The following ARHGEF28 variants were observed in gnomAD, a reference collection of about 807,000 sequenced individuals.
ARHGEF28 encodes the protein 190 kDa guanine nucleotide exchange factor.
In ARHGEF28, 152 loss-of-function variants were observed where a neutral mutation model predicts 206.6. The ratio of observed to expected loss-of-function variants is 0.74; its 90% CI spans 0.64 to 0.84. The LOEUF is 0.84. ARHGEF28 is among the 40% of genes least tolerant of loss of function. The pLI, the probability that ARHGEF28 is intolerant of heterozygous loss-of-function variation, is 0.00. For missense variants in ARHGEF28, 2,028 were observed against 2,073.2 expected, an observed-to-expected ratio of 0.98 and a Z score of 0.42; for synonymous variants, 763 against 776.4, an observed-to-expected ratio of 0.98 and a Z score of 0.29.
intron 1 of ARHGEF28, among the ~76,000 whole-genome samples, chr5:73,681,351 A>G (rs2112241011): frequency 6.6e-6 from 1 of 152,268 alleles, no homozygotes; most frequent in Non-Finnish European, 1.5e-5. Context: ...AGAATTTTGG[A>G]AGGATCAACT....
At chr5:73,914,939 C>T (rs1763124032) in intron 35 of ARHGEF28, among the ~76,000 whole-genome samples, 1 of 152,156 alleles carries the variant, frequency 6.6e-6, no homozygotes, top group African/African-American at 2.4e-5. Flanking sequence ...CGGGGTTTCC[C>T]CATATTGCCC....
intron 2 of ARHGEF28, among the ~76,000 whole-genome samples, chr5:73,718,636 AC>A (rs913901470): frequency 6.6e-6 from 1 of 151,888 alleles, no homozygotes; most frequent in Non-Finnish European, 1.5e-5. Context: ...GCTGACCTTG[AC>A]CCCACTTCCT....
chr5:73,894,701 G>A, intron 29 of ARHGEF28, 126 bp downstream of exon 29: 1 of 1,155,348 alleles, frequency 8.7e-7, no homozygotes, highest in South Asian at 1.7e-5. Context: ...TCCTTACTCG[G>A]CTGGAACTTA....
chr5:73,680,625 T>C (rs979851434), intron 1 of ARHGEF28, among the ~76,000 whole-genome samples: 2 of 151,814 alleles, frequency 1.3e-5, no homozygotes, highest in Non-Finnish European at 2.9e-5. Flanking sequence ...AACTTATCTA[T>C]GTAACGAGAC....
At chr5:73,936,330 A>G (rs980471427) in intron 35 of ARHGEF28, among the ~76,000 whole-genome samples, 3 of 152,212 alleles carry the variant, frequency 2.0e-5, no homozygotes, top group Admixed American at 1.3e-4. Context: ...GCTCACTTCA[A>G]ATATATGTTC....
intron 11 of ARHGEF28, among the ~76,000 whole-genome samples, chr5:73,843,062 T>C (rs577725206): frequency 1.3e-5 from 2 of 151,844 alleles, no homozygotes; most frequent in Middle Eastern, 3.4e-3. Context: ...TCTTTAGAAG[T>C]CTTCTAGGAA....
Position 73,840,770 on chromosome 5 carries a change from T to C in ARHGEF28, c.1427+10T>C. The stretch of plus-strand genomic sequence containing the variant: ...ATCTAAAGAAAAGAAGGTAAGAGTC[T>C]ATATTGTAGAGGAAAACTGTAGAAC... On this transcript the variant is annotated intron_variant, in intron 11 of 35. Coordinates refer to ENST00000513042, the MANE Select transcript of ARHGEF28 (RefSeq NM_001177693.2). The C allele has an allele frequency of 6.3e-7, 1 of 1,599,158 alleles. No homozygotes were observed. Among genetic ancestry groups the C allele is most frequent in the African/African-American group, 1.3e-5 (1 of 74,686 alleles).
intron 26 of ARHGEF28, among the ~76,000 whole-genome samples, chr5:73,890,700 C>T (rs1179060251): frequency 6.6e-6 from 1 of 152,148 alleles, no homozygotes; most frequent in Non-Finnish European, 1.5e-5. Context: ...AAGCCAGCAC[C>T]AAGGAGTCAG....
chr5:73,857,772 A>T lies in ARHGEF28; in HGVS notation c.1907A>T (p.Lys636Ile). 1 of 1,611,680 alleles carries T rather than the reference A, an allele frequency of 6.2e-7. No individual in the cohort carries two copies. The stretch of plus-strand genomic sequence containing the variant: ...AATAGGATGACTAGCCCTCGGAATA[A>T]ATCAAAGGTAATTAAAGTGATTCAC... ...LMNRMTSPRN[K>I]SKTKSKDAKD... The change falls in exon 15 of 36, where the codon AAA becomes ATA. Residue 636 changes from lysine (K) to isoleucine (I), a missense_variant. Physicochemically the swap from Lys to Ile is moderately radical, Grantham distance 102. This residue lies in a region of ARHGEF28 where 1,002 missense variants were observed against 1,015.3 expected (regional missense o/e 0.99). Coordinates refer to ENST00000513042, the MANE Select transcript of ARHGEF28 (RefSeq NM_001177693.2).
intron 23 of ARHGEF28, 62 bp downstream of exon 23, chr5:73,882,656 GTTT>G: frequency 7.4e-7 from 1 of 1,342,400 alleles, no homozygotes; most frequent in Non-Finnish European, 9.9e-7. Context: ...GTTTATGCTT[GTTT>G]CTTAATGATT....
intron 2 of ARHGEF28, among the ~76,000 whole-genome samples, chr5:73,699,249 A>G (rs917610931): frequency 6.6e-6 from 1 of 151,776 alleles, no homozygotes; most frequent in African/African-American, 2.4e-5. Context: ...AGTTATGGTC[A>G]TGAAAGGTGG....
At chr5:73,679,251 A>T (rs1746912288) in intron 1 of ARHGEF28, among the ~76,000 whole-genome samples, 1 of 152,224 alleles carries the variant, frequency 6.6e-6, no homozygotes, top group South Asian at 2.1e-4. Context: ...AGCAATGGAA[A>T]CATGGACAGA....
intron 1 of ARHGEF28, among the ~76,000 whole-genome samples, chr5:73,650,246 G>A (rs74394308): frequency 0.026 from 3,813 of 149,014 alleles, 188 homozygotes; most frequent in African/African-American, 0.09. Context: ...AATCTGGCCC[G>A]TTCATCACCT....
intron 35 of ARHGEF28, among the ~76,000 whole-genome samples, chr5:73,924,489 A>G (rs980624357): frequency 3.3e-5 from 5 of 152,226 alleles, no homozygotes; most frequent in Non-Finnish European, 7.3e-5. Flanking sequence ...TGAGCACTTA[A>G]TAAACACTAC....
chr5:73,804,334 C>T (rs574057942), intron 9 of ARHGEF28, among the ~76,000 whole-genome samples: 64 of 152,044 alleles, frequency 4.2e-4, no homozygotes, highest in Non-Finnish European at 8.8e-4. Context: ...GAATTATTTT[C>T]AATATACTTT....
chr5:73,887,727 C>T (rs745878336), intron 26 of ARHGEF28, 48 bp downstream of exon 26: 3 of 1,432,406 alleles, frequency 2.1e-6, no homozygotes, highest in African/African-American at 1.4e-5. Context: ...TTTAACCACA[C>T]ATTTTCTTGA....
chr5:73,628,808 T>C (rs1743173641), intron 1 of ARHGEF28, among the ~76,000 whole-genome samples: 1 of 152,242 alleles, frequency 6.6e-6, no homozygotes, highest in East Asian at 1.9e-4. Flanking sequence ...GGCTTTGAGA[T>C]ATTTTTCTTG....
intron 2 of ARHGEF28, among the ~76,000 whole-genome samples, chr5:73,748,770 C>T (rs1202758592): frequency 6.6e-6 from 1 of 152,188 alleles, no homozygotes; most frequent in Admixed American, 6.5e-5. Context: ...TTCCATTTCC[C>T]CGCCACTCCC....
rs1760217270 is a variant in ARHGEF28 at position 73,873,153 on chromosome 5, C to A, written c.2721C>A (p.Phe907Leu). 1.2e-6 allele frequency: 2 copies of A among 1,612,688 alleles called. No individual in the cohort carries two copies. Residue 907 changes from phenylalanine to leucine, a missense_variant, in exon 22 of 36, where the codon TTC (phenylalanine) becomes TTA (leucine). Phe to Leu is a conservative substitution (Grantham distance 22). Around this residue, in one of 3 missense-constraint regions of ARHGEF28, gnomAD observed 223 missense variants for 289.9 expected, o/e 0.77. Transcript: ENST00000513042. ...LDELLEIHRH[F>L]FYSMKERRQE... ...AGTTGCTTGAAATCCACAGGCATTT[C>A]TTCTACAGTATGAAGGAACGAAGGC... is the stretch of plus-strand genomic sequence containing the variant.
Sources: gnomAD v4.1 joint callset for allele counts (sites outside exome capture counted in the v4.1 genomes callset) on GRCh38, gnomAD v4.1.1 for gene constraint, gnomAD v4.1.1 regional missense constraint, MANE v1.5 for transcripts, NCBI Gene and HGNC (gene_info 2026-07-23, HGNC 2026-07-21) for gene names.